PTPN20: variants seen among roughly 807,000 people sequenced by gnomAD.
The protein encoded by PTPN20 is protein tyrosine phosphatase non-receptor type 20.
Under a neutral mutation model 35.0 loss-of-function variants are expected in PTPN20, and 9 were observed. The observed-to-expected ratio is 0.26, with a 90% CI of 0.15 to 0.45. PTPN20 has a LOEUF of 0.45. PTPN20 is among the 20% of genes least tolerant of loss of function. PTPN20 has a pLI of 1.00. For missense variants in PTPN20, 111 were observed against 312.5 expected, an observed-to-expected ratio of 0.36 and a Z score of 4.86; for synonymous variants, 32 against 100.2, an observed-to-expected ratio of 0.32 and a Z score of 4.06.
intron 4 of PTPN20, among the ~76,000 whole-genome samples, chr10:46,944,829 A>G (rs1555139442): frequency 1.3e-5 from 2 of 148,188 alleles, no homozygotes; most frequent in African/African-American, 2.6e-5. Flanking sequence ...AGGGAAACAG[A>G]CATATAAAAG....
At chr10:46,979,903 G>T (rs531319277) in intron 7 of PTPN20, among the ~76,000 whole-genome samples, 131 of 149,852 alleles carry the variant, frequency 8.7e-4, no homozygotes, top group African/African-American at 3.2e-3. Flanking sequence ...TAACTCTTCA[G>T]CCCTATGTTG....
At chr10:46,995,796 G>A (rs935428248) in intron 9 of PTPN20, among the ~76,000 whole-genome samples, 5 of 152,178 alleles carry the variant, frequency 3.3e-5, no homozygotes, top group African/African-American at 1.2e-4. Context: ...GAATCAGGTG[G>A]AGATTTTTTG....
intron 1 of PTPN20, among the ~76,000 whole-genome samples, chr10:46,920,604 C>A (rs2034835603): frequency 1.4e-5 from 2 of 138,672 alleles, no homozygotes; most frequent in Non-Finnish European, 3.1e-5. Flanking sequence ...TTGTGTTAGG[C>A]TACCAGGGCA....
chr10:46,966,406 G>A (rs1427799273), intron 6 of PTPN20, among the ~76,000 whole-genome samples: 4 of 152,068 alleles, frequency 2.6e-5, no homozygotes, highest in African/African-American at 7.3e-5. Context: ...CTGGGTTTGG[G>A]GCTTTCTGTG....
At chr10:46,996,920 C>T (rs960688398) in intron 9 of PTPN20, among the ~76,000 whole-genome samples, 5 of 152,126 alleles carry the variant, frequency 3.3e-5, no homozygotes, top group African/African-American at 7.2e-5. Context: ...ATTCCTCCCA[C>T]GTTATTCTCC....
At chr10:46,999,542 A>G (rs1013455846) in intron 9 of PTPN20, among the ~76,000 whole-genome samples, 2 of 152,326 alleles carry the variant, frequency 1.3e-5, no homozygotes, top group East Asian at 3.9e-4. Context: ...GTGAGTTGAC[A>G]GGGATCTTCA....
At chr10:46,952,831 C>G (rs2047107301) in intron 5 of PTPN20, among the ~76,000 whole-genome samples, 1 of 151,716 alleles carries the variant, frequency 6.6e-6, no homozygotes, top group Non-Finnish European at 1.5e-5. Flanking sequence ...CCAGTTTCCC[C>G]TTAATACTTG....
chr10:46,993,003 A>G (rs1334946587), intron 9 of PTPN20, among the ~76,000 whole-genome samples: 1 of 152,146 alleles, frequency 6.6e-6, no homozygotes, highest in Non-Finnish European at 1.5e-5. Context: ...TCTGTATGGG[A>G]TATTTATTAA....
At chr10:46,923,122 C>T (rs1555110125) in intron 1 of PTPN20, among the ~76,000 whole-genome samples, 1 of 144,028 alleles carries the variant, frequency 6.9e-6, no homozygotes, top group African/African-American at 2.9e-5. Context: ...GGAGAGAAGA[C>T]TGTTGTGGTT....
intron 9 of PTPN20, among the ~76,000 whole-genome samples, chr10:46,992,480 G>C (rs1169022418): frequency 1.3e-5 from 2 of 152,022 alleles, no homozygotes; most frequent in Non-Finnish European, 2.9e-5. Context: ...ACCAATCTTT[G>C]AGCTCTGAGA....
chr10:46,932,020 C>T (rs1268724856), intron 1 of PTPN20, among the ~76,000 whole-genome samples: 3 of 147,630 alleles, frequency 2.0e-5, no homozygotes, highest in Admixed American at 2.0e-4. Context: ...TTAGGTGTGG[C>T]GTTTAAATAA....
At chr10:46,930,814 T>A (rs2039344488) in intron 1 of PTPN20, among the ~76,000 whole-genome samples, 1 of 140,618 alleles carries the variant, frequency 7.1e-6, no homozygotes, top group African/African-American at 3.0e-5. Context: ...TTGCTCAGGC[T>A]GCCCTCGAAC....
chr10:46,953,334 CTTT>C (rs1324277874), intron 5 of PTPN20, among the ~76,000 whole-genome samples: 3 of 118,868 alleles, frequency 2.5e-5, no homozygotes, highest in Admixed American at 8.3e-5. Flanking sequence ...CCTTTCATTT[CTTT>C]TCTTTCTTTC....
intron 2 of PTPN20, among the ~76,000 whole-genome samples, chr10:46,937,662 T>C (rs1301946047): frequency 1.3e-5 from 2 of 151,668 alleles, no homozygotes; most frequent in Non-Finnish European, 2.9e-5. Context: ...GAAATTTCAG[T>C]AGGTCTTATT....
intron 2 of PTPN20, among the ~76,000 whole-genome samples, chr10:46,939,360 A>G (rs1173094343): frequency 8.0e-6 from 1 of 125,626 alleles, no homozygotes; most frequent in Non-Finnish European, 1.6e-5. Context: ...TATTACCTTT[A>G]AAAATGAGAG....
chr10:46,941,598 G>A (rs1465170245), intron 3 of PTPN20, among the ~76,000 whole-genome samples: 1 of 137,726 alleles, frequency 7.3e-6, no homozygotes, highest in Non-Finnish European at 1.5e-5. Flanking sequence ...TCACAGAATG[G>A]CCCAAGTATA....
intron 5 of PTPN20, among the ~76,000 whole-genome samples, chr10:46,951,644 A>G (rs1256422051): frequency 6.6e-6 from 1 of 151,412 alleles, no homozygotes; most frequent in Non-Finnish European, 1.5e-5. Flanking sequence ...ATAGAAAACT[A>G]TATTTTCTTT....
chr10:47,000,368 C>G (rs1342836943), intron 10 of PTPN20, among the ~76,000 whole-genome samples: 2 of 152,076 alleles, frequency 1.3e-5, no homozygotes, highest in African/African-American at 4.8e-5. Flanking sequence ...AAAAAGACAT[C>G]ATTTATGTCA....
chr10:46,993,210 CCCT>C (rs2058342869), intron 9 of PTPN20, among the ~76,000 whole-genome samples: 1 of 152,174 alleles, frequency 6.6e-6, no homozygotes, highest in African/African-American at 2.4e-5. Flanking sequence ...AGCGATGATC[CCCT>C]GCCAGGTCCA....
Sources: gnomAD v4.1 joint callset for allele counts (sites outside exome capture counted in the v4.1 genomes callset) on GRCh38, gnomAD v4.1.1 for gene constraint, MANE v1.5 for transcripts, NCBI Gene and HGNC (gene_info 2026-07-23, HGNC 2026-07-21) for gene names.